Variants in ZFX observed in about 807,000 individuals in gnomAD.
The protein encoded by ZFX is zinc finger X-chromosomal protein.
For missense variants in ZFX, 362 were observed against 628.3 expected (o/e 0.58, Z 4.53); for synonymous variants, 196 against 226.8 (o/e 0.86, Z 1.22).
At chrX:24,189,250 T>TA (rs200254208) in intron 5 of ZFX, among the ~76,000 whole-genome samples, 2,211 of 111,965 alleles carry the variant, frequency 0.02, 53 homozygotes, top group African/African-American at 0.068. Flanking sequence ...GCAGCTCACT[T>TA]CTTGGTTTCC....
At chrX:24,159,674 A>T (rs1000851762) in intron 3 of ZFX, among the ~76,000 whole-genome samples, 1 of 111,233 alleles carries the variant, frequency 9.0e-6, no homozygotes, top group Non-Finnish European at 1.9e-5. Context: ...GGGTTTCACC[A>T]TGTTGGCCAG....
In ZFX at chrX:24,210,630, C is replaced by T. The variant is rs1280498890; in HGVS notation, c.1672C>T (p.Arg558Cys). ...HICVECGKGF[R>C]HPSELKKHMR... ...TTGTGTGGAGTGTGGTAAGGGTTTT[C>T]GTCACCCGTCAGAGCTCAAAAAGCA... The change falls in exon 10 of 10, where the codon CGT becomes TGT. Residue 558 changes from arginine to cysteine, a missense_variant. Transcript: ENST00000304543. The T allele has an allele frequency of 2.5e-6, 3 of 1,209,834 alleles. No individual in the cohort carries two copies. Among genetic ancestry groups the T allele is most frequent in the Non-Finnish European group, 3.4e-6 (3 of 895,296 alleles).
rs781770483 is a variant in ZFX at position 24,209,012 on chromosome X, A to G, written c.1206A>G (p.Arg402=). ...RLAKQKPKKR[R]RPDSRQYQTA... ...CTAAACAAAAACCAAAGAAAAGGAG[A>G]AGACCTGATTCCAGGCAGTACCAAA... The change falls in exon 9 of 10, where the codon AGA becomes AGG. Residue 402 remains arginine (R), a synonymous_variant. Transcript: ENST00000304543. 8.3e-7 allele frequency: 1 copy of G among 1,209,922 alleles called. No homozygotes were observed. Among genetic ancestry groups the G allele is most frequent in the African/African-American group, 1.8e-5 (1 of 57,122 alleles).
At chrX:24,186,749 T>TG (rs757038299) in intron 5 of ZFX, among the ~76,000 whole-genome samples, 35 of 112,132 alleles carry the variant, frequency 3.1e-4, no homozygotes, top group African/African-American at 1.1e-3. Flanking sequence ...AGTATATAGC[T>TG]ACCTTTGAGG....
rs1938251218 is a variant in ZFX at position 24,213,573 on chromosome X, T to TA, written c.*2198dup. 9.0e-6 allele frequency: 1 copy of TA among 111,491 alleles called. No individual in the cohort carries two copies. The highest frequency in any genetic ancestry group is 1.9e-5 in the Non-Finnish European group (1 of 53,061). The allele number at this position is 111,491 out of a possible 1,213,427, so 9.2% of individuals were successfully genotyped here. A position where few individuals can be genotyped will look rare whatever the true frequency, so the allele number is the denominator to read the frequency against. On this transcript the variant is annotated 3_prime_UTR_variant, in exon 10 of 10. Transcript: ENST00000304543. Reference sequence around the variant, plus strand: ...TAGTCTAGTTTTAAACCAAGTGCTTTAGGCAGGTGTGAACTCCAGCCCAAA... The same window carrying TA: ...TAGTCTAGTTTTAAACCAAGTGCTTTAAGGCAGGTGTGAACTCCAGCCCAAA...
At chrX:24,173,871 C>T (rs1035558362) in intron 4 of ZFX, 1 of 362,092 alleles carries the variant, frequency 2.8e-6, no homozygotes, top group Non-Finnish European at 4.7e-6. Context: ...ATTGGGATTA[C>T]AGGCGTGAGC....
intron 9 of ZFX, 86 bp from the exon 10 acceptor site, chrX:24,210,107 T>A: frequency 8.8e-7 from 1 of 1,140,601 alleles, no homozygotes; most frequent in Non-Finnish European, 1.2e-6. Context: ...TGGCCAACAG[T>A]GGTCAGAACC....
intron 4 of ZFX, among the ~76,000 whole-genome samples, chrX:24,174,545 C>T (rs1934958856): frequency 1.9e-5 from 2 of 107,804 alleles, no homozygotes; most frequent in African/African-American, 6.8e-5. Context: ...AGGTGTGCAC[C>T]ACCACGCCCA....
chrX:24,157,234 T>C (rs774736022), intron 3 of ZFX, among the ~76,000 whole-genome samples: 7 of 112,500 alleles, frequency 6.2e-5, no homozygotes, highest in South Asian at 7.3e-4. Flanking sequence ...GTAATTTTTG[T>C]TGTCATTGTG....
intron 3 of ZFX, among the ~76,000 whole-genome samples, chrX:24,156,844 C>T (rs1348963412): frequency 5.4e-5 from 6 of 110,405 alleles, no homozygotes; most frequent in Non-Finnish European, 1.1e-4. Context: ...TTAGTAGAGA[C>T]GGGGTTTCAC....
chrX:24,189,500 T>G (rs1349206425), intron 5 of ZFX, among the ~76,000 whole-genome samples: 2 of 111,951 alleles, frequency 1.8e-5, no homozygotes, highest in Non-Finnish European at 3.8e-5. Context: ...TAAAACGTGG[T>G]TCAGGGAGCG....
At chrX:24,203,387 C>T (rs1010260158) in intron 5 of ZFX, among the ~76,000 whole-genome samples, 2 of 112,235 alleles carry the variant, frequency 1.8e-5, no homozygotes, top group African/African-American at 3.2e-5. Context: ...GTCACTGCTC[C>T]GTGTGAAAGT....
chrX:24,185,284 TCTTA>T lies in ZFX; in HGVS notation c.646+5518_646+5521del, dbSNP rs543741626. 7.6e-4 allele frequency among the ~76,000 whole-genome samples: 85 copies of T among 111,330 alleles called. 1 individual carries two copies. In the South Asian group the frequency reaches 0.03, roughly 40 times the overall value. ...CCGGCCTCTACAGCCACTTTTGCAC[TCTTA>T]CTTCCCTCTACTTCATCATCCCCTT... On this transcript the variant is annotated intron_variant, in intron 5 of 9. Transcript: ENST00000304543.
intron 5 of ZFX, among the ~76,000 whole-genome samples, chrX:24,180,929 A>G (rs189932223): frequency 1.2e-4 from 13 of 112,094 alleles, no homozygotes; most frequent in African/African-American, 3.6e-4. Flanking sequence ...TTCTTACAAC[A>G]TACTTCTTGG....
intron 4 of ZFX, among the ~76,000 whole-genome samples, chrX:24,178,580 C>T (rs752875205): frequency 2.0e-5 from 2 of 100,029 alleles, no homozygotes; most frequent in African/African-American, 7.3e-5. Context: ...TGAGCCAGCG[C>T]GCCTGGCCTT....
rs767122537 is a variant in ZFX at position 24,172,705 on chromosome X, C to T, written c.-28-10C>T. 22 of 1,123,736 alleles carry T rather than the reference C, an allele frequency of 2.0e-5. No homozygotes were observed. In the East Asian group the frequency reaches 6.7e-4, roughly 34 times the overall value. 92.6% of individuals were successfully genotyped at this position (1,123,736 alleles called of 1,213,427 possible). A position where few individuals can be genotyped will look rare whatever the true frequency, so the allele number is the denominator to read the frequency against. ...CTAATGGCTTTGGTTTACTTTTTTC[C>T]CTGATTTAGGAGCTGTGACTGATGA... On this transcript the variant is annotated splice_polypyrimidine_tract_variant and intron_variant, in intron 3 of 9. Coordinates refer to ENST00000304543, the MANE Select transcript of ZFX (RefSeq NM_003410.4).
chrX:24,158,320 G>A (rs1354364828), intron 3 of ZFX, among the ~76,000 whole-genome samples: 3 of 110,487 alleles, frequency 2.7e-5, no homozygotes, highest in Admixed American at 9.7e-5. Flanking sequence ...TTGGGAGGCC[G>A]AGACGGGTGG....
intron 5 of ZFX, chrX:24,207,102 A>C: frequency 6.6e-6 from 2 of 304,069 alleles, no homozygotes; most frequent in East Asian, 7.0e-5. Flanking sequence ...GCGTGGTGGT[A>C]GGCGCCTGTA....
chrX:24,160,037 G>C (rs1933100631), intron 3 of ZFX, among the ~76,000 whole-genome samples: 1 of 108,066 alleles, frequency 9.3e-6, no homozygotes, highest in South Asian at 4.8e-4. Context: ...TTGTTAGTTT[G>C]TTCCTTTTTT....
Sources: allele counts gnomAD v4.1 joint callset (sites outside exome capture counted in the v4.1 genomes callset), GRCh38; gene constraint gnomAD v4.1.1; transcripts MANE v1.5; gene names NCBI Gene and HGNC (gene_info 2026-07-23, HGNC 2026-07-21).